Variants in FRYL observed in about 807,000 individuals in gnomAD.
FRYL encodes protein furry homolog-like.
Under a neutral mutation model 351.2 loss-of-function variants are expected in FRYL, and 150 were observed. That is an observed-to-expected ratio of 0.43 (90% CI 0.37 to 0.49). The LOEUF is 0.49. Ranked by LOEUF, FRYL falls within the 20% of genes least tolerant of loss-of-function variation. The probability of loss-of-function intolerance (pLI) is 0.00; values close to 1 mark genes in which losing one functional copy is unlikely to be tolerated. For synonymous variants in FRYL, 1,153 were observed against 1,257.1 expected, an observed-to-expected ratio of 0.92 and a Z score of 1.75; for missense variants, 3,036 against 3,619.3, an observed-to-expected ratio of 0.84 and a Z score of 4.13.
At chr4:48,523,347 C>T in intron 53 of FRYL, 1 of 417,144 alleles carries the variant, frequency 2.4e-6, no homozygotes, top group Admixed American at 4.1e-5. Context: ...GACTTTCTAT[C>T]TTGTATTACT....
intron 7 of FRYL, among the ~76,000 whole-genome samples, chr4:48,615,123 G>A (rs913074114): frequency 1.3e-5 from 2 of 152,134 alleles, no homozygotes; most frequent in African/African-American, 2.4e-5. Flanking sequence ...ACCGCGCCCG[G>A]CCAGTTTAAT....
chr4:48,508,913 A>G (rs573285107), intron 59 of FRYL, among the ~76,000 whole-genome samples: 8 of 152,208 alleles, frequency 5.3e-5, no homozygotes, highest in Admixed American at 1.3e-4. Flanking sequence ...GCAAATCACA[A>G]GGCCATCCCA....
At chr4:48,532,395 C>T (rs1322008062) in intron 49 of FRYL, among the ~76,000 whole-genome samples, 3 of 152,178 alleles carry the variant, frequency 2.0e-5, no homozygotes, top group Admixed American at 6.5e-5. Flanking sequence ...CAATGGCTCA[C>T]GCCTGTAATC....
intron 1 of FRYL, among the ~76,000 whole-genome samples, chr4:48,754,407 T>C (rs1773559674): frequency 6.6e-6 from 1 of 152,240 alleles, no homozygotes; most frequent in African/African-American, 2.4e-5. Flanking sequence ...TTGGGTTGTT[T>C]CTACATTTTA....
rs1337358087 is a variant in FRYL, at chr4:48,715,570, T to C, written c.-383-4872A>G. On this transcript the variant is annotated intron_variant, in intron 1 of 63. Coordinates refer to ENST00000358350, the MANE Select transcript of FRYL (RefSeq NM_015030.2). ...ACCTAGGAATCCAACTTACAAGGGATGTGAAGGACCTCTTCAAGGAGAACT... is the reference window on the plus strand; with the variant it reads ...ACCTAGGAATCCAACTTACAAGGGACGTGAAGGACCTCTTCAAGGAGAACT... 3.6e-4 allele frequency among the ~76,000 whole-genome samples: 54 copies of C among 151,304 alleles called. 1 individual carries two copies. Among genetic ancestry groups the C allele is most frequent in the African/African-American group, 1.0e-3 (43 of 41,262 alleles).
rs56320005 is a variant in FRYL, at chr4:48,592,082, TTA to T, written c.1336-1254_1336-1253del. On this transcript the variant is annotated intron_variant, in intron 16 of 63. Transcript: ENST00000358350. ...GGAATACGGGAAGAAAATAAAGCTC[TTA>T]TATATATATATATATATATATATAT... Among the ~76,000 whole-genome samples the T allele has an allele frequency of 5.8e-3, 679 of 116,150 alleles. 39 individuals are homozygous for T. The highest frequency in any genetic ancestry group is 0.024 in the African/African-American group (522 of 22,202). The allele number at this position is 116,150 out of a possible 152,430, so 76.2% of individuals were successfully genotyped here.
chr4:48,528,170 T>C lies in FRYL; in HGVS notation c.7065+5A>G. 1.1e-5 allele frequency: 17 copies of C among 1,611,310 alleles called. No individual in the cohort carries two copies. Among genetic ancestry groups the C allele is most frequent in the Non-Finnish European group, 1.4e-5 (17 of 1,178,146 alleles). On this transcript the variant is annotated splice_donor_5th_base_variant and intron_variant, in intron 51 of 63. Coordinates refer to ENST00000358350, the MANE Select transcript of FRYL (RefSeq NM_015030.2). ...GAATGTTCCATTTTGATATTCTTTA[T>C]GTACCTGTGATAACTGTGGCCTTTT...
chr4:48,626,355 AT>A (rs1443523189), intron 4 of FRYL, among the ~76,000 whole-genome samples: 4 of 152,146 alleles, frequency 2.6e-5, no homozygotes, highest in Admixed American at 2.6e-4. Context: ...CAAAAACATT[AT>A]CTGAATGTAA....
At chr4:48,648,572 T>C (rs1468423694) in intron 3 of FRYL, among the ~76,000 whole-genome samples, 3 of 152,172 alleles carry the variant, frequency 2.0e-5, no homozygotes, top group Non-Finnish European at 2.9e-5. Flanking sequence ...TGAGATTTTC[T>C]GGGGGGTGAG....
chr4:48,666,509 A>G (rs1761742174), intron 3 of FRYL, among the ~76,000 whole-genome samples: 1 of 152,200 alleles, frequency 6.6e-6, no homozygotes, highest in African/African-American at 2.4e-5. Flanking sequence ...ATGTTTATGC[A>G]TGGTTAACCT....
chr4:48,595,983 C>T lies in FRYL; in HGVS notation c.1053G>A (p.Met351Ile). 1 of 1,597,236 alleles carries T rather than the reference C, an allele frequency of 6.3e-7. No homozygotes were observed. The highest frequency in any genetic ancestry group is 1.3e-5 in the African/African-American group (1 of 74,124). ...LSHLKNKDPK[M>I]SRVALESLYR... ...ACAAAGATTCCAGTGCAACTCGAGA[C>T]ATTTTCGGATCTTTATTCTGTTTTA... The change falls in exon 14 of 64, where the codon ATG (methionine) becomes ATA (isoleucine). Residue 351 changes from methionine to isoleucine, a missense_variant. Met to Ile is a conservative substitution (Grantham distance 10). This residue lies in a region of FRYL where 457 missense variants were observed against 566.6 expected (regional missense o/e 0.81). Transcript: ENST00000358350.
At chr4:48,501,015 G>A (rs1314238331) in intron 62 of FRYL, among the ~76,000 whole-genome samples, 1 of 150,956 alleles carries the variant, frequency 6.6e-6, no homozygotes, top group Non-Finnish European at 1.5e-5. Context: ...GAACCCAGGA[G>A]GTGGAAGTTG....
At position 48,623,159 on chromosome 4, in the gene FRYL, A is replaced by G; in HGVS notation, c.141T>C (p.Ser47=). 6.4e-7 allele frequency: 1 copy of G among 1,558,548 alleles called. No individual in the cohort carries two copies. Among genetic ancestry groups the G allele is most frequent in the African/African-American group, 1.4e-5 (1 of 72,154 alleles). Residue 47 remains serine (S), a synonymous_variant, in exon 5 of 64, where the codon TCT becomes TCC. Transcript: ENST00000358350. The part of the protein sequence containing the change: ...AEPLEKLLSR[S]LQRGEDLQFD... Reference sequence around the variant, plus strand: ...ACTGAAGATCTTCACCCCTCTGAAGAGATCTGGACAATAGCTTCTCCTATG... The same window carrying G: ...ACTGAAGATCTTCACCCCTCTGAAGGGATCTGGACAATAGCTTCTCCTATG...
chr4:48,533,795 C>G (rs193037217), intron 49 of FRYL, among the ~76,000 whole-genome samples: 1 of 152,164 alleles, frequency 6.6e-6, no homozygotes, highest in Non-Finnish European at 1.5e-5. Flanking sequence ...TTTCCACTTT[C>G]TAAATATCTG....
chr4:48,740,512 C>G (rs1255425980), intron 1 of FRYL, among the ~76,000 whole-genome samples: 1 of 151,986 alleles, frequency 6.6e-6, no homozygotes, highest in Non-Finnish European at 1.5e-5. Flanking sequence ...CCAGGCTGGT[C>G]TCGAACTCCT....
chr4:48,593,904 ATAT>A, intron 16 of FRYL, 23 bp downstream of exon 16: 4 of 1,086,918 alleles, frequency 3.7e-6, no homozygotes, highest in African/African-American at 1.7e-5. Context: ...CTAGGATTTT[ATAT>A]TATTACATTA....
chr4:48,548,035 T>TA (rs942786949), intron 40 of FRYL, among the ~76,000 whole-genome samples: 31 of 152,082 alleles, frequency 2.0e-4, no homozygotes, highest in South Asian at 4.2e-4. Flanking sequence ...TTACATAACA[T>TA]AAAAAAATTC....
Position 48,606,499 on chromosome 4 carries a change from T to G in FRYL, c.680A>C (p.Lys227Thr). The G allele has an allele frequency of 6.2e-7, 1 of 1,612,714 alleles. No individual in the cohort carries two copies. Among genetic ancestry groups the G allele is most frequent in the Non-Finnish European group, 8.5e-7 (1 of 1,178,990 alleles). ...QSVISLIMGM[K>T]FFRVKMYPVE... ...AGGATACATTTTTACTCGAAAAAAT[T>G]TCATTCCCATTATTAAGCTGATGAC... The change falls in exon 10 of 64, where the codon AAA becomes ACA. Residue 227 changes from lysine (K) to threonine (T), a missense_variant. Transcript: ENST00000358350.
intron 44 of FRYL, among the ~76,000 whole-genome samples, chr4:48,543,408 C>G (rs575721151): frequency 6.6e-6 from 1 of 152,082 alleles, no homozygotes. Context: ...TTTATAACAG[C>G]GTTAATAAAG....
Sources: gnomAD v4.1 joint callset for allele counts (sites outside exome capture counted in the v4.1 genomes callset) on GRCh38, gnomAD v4.1.1 for gene constraint, gnomAD v4.1.1 regional missense constraint, MANE v1.5 for transcripts, NCBI Gene and HGNC (gene_info 2026-07-23, HGNC 2026-07-21) for gene names.